The following MARCHF4 variants were observed in gnomAD, a reference collection of about 807,000 sequenced individuals.
The protein encoded by MARCHF4 is membrane associated ring-CH-type finger 4.
MARCHF4 carries 14 observed loss-of-function variants against 43.9 expected under a neutral mutation model. That is an observed-to-expected ratio of 0.32 (90% CI 0.21 to 0.50). MARCHF4 has a LOEUF of 0.50. MARCHF4 is among the 20% of genes least tolerant of loss of function. The probability of loss-of-function intolerance (pLI) is 0.98; values close to 1 mark genes in which losing one functional copy is unlikely to be tolerated. For missense variants in MARCHF4, 468 were observed against 536.7 expected, an observed-to-expected ratio of 0.87 and a Z score of 1.27; for synonymous variants, 226 against 213.3, an observed-to-expected ratio of 1.06 and a Z score of -0.52.
chr2:216,293,981 T>TGTAAAAAAAAAAA (rs1171951717), intron 1 of MARCHF4, among the ~76,000 whole-genome samples: 4 of 99,514 alleles, frequency 4.0e-5, no homozygotes, highest in Admixed American at 2.1e-4. Context: ...ATCATTACCA[T>TGTAAAAAAAAAAA]CACCATTGTT....
At chr2:216,276,624 A>G (rs1004913540) in intron 3 of MARCHF4, among the ~76,000 whole-genome samples, 1 of 152,184 alleles carries the variant, frequency 6.6e-6, no homozygotes, top group African/African-American at 2.4e-5. Context: ...ATCCCAGCCA[A>G]ATTCTAGCTA....
chr2:216,369,149 C>T (rs1312923139), intron 1 of MARCHF4, among the ~76,000 whole-genome samples: 1 of 152,112 alleles, frequency 6.6e-6, no homozygotes, highest in Non-Finnish European at 1.5e-5. Context: ...AGAAGTGTCT[C>T]AGCAAATCAT....
chr2:216,266,080 A>C (rs1690840698), intron 3 of MARCHF4: 1 of 152,240 alleles, frequency 6.6e-6, no homozygotes, highest in Admixed American at 6.5e-5. Context: ...AAATGGGAAG[A>C]AACGGAAGAA....
chr2:216,320,795 T>C (rs1024945716), intron 1 of MARCHF4, among the ~76,000 whole-genome samples: 3 of 149,754 alleles, frequency 2.0e-5, no homozygotes, highest in African/African-American at 4.9e-5. Flanking sequence ...CTCAGCCTCC[T>C]GAGTAGCTGG....
intron 1 of MARCHF4, among the ~76,000 whole-genome samples, chr2:216,324,767 A>G (rs9752300): frequency 1.0e-5 from 1 of 96,706 alleles, no homozygotes; most frequent in Non-Finnish European, 2.0e-5. Context: ...ATTCAACAAC[A>G]TTCATGCTAA....
intron 1 of MARCHF4, among the ~76,000 whole-genome samples, chr2:216,328,928 C>T (rs949462694): frequency 1.3e-5 from 2 of 152,066 alleles, no homozygotes; most frequent in Non-Finnish European, 2.9e-5. Context: ...ATTCCAGCTA[C>T]TCTGGAGGCT....
intron 1 of MARCHF4, among the ~76,000 whole-genome samples, chr2:216,328,590 A>C (rs887603621): frequency 2.6e-5 from 4 of 152,208 alleles, no homozygotes; most frequent in Non-Finnish European, 4.4e-5. Context: ...TAGTGAGTGG[A>C]GACATCACCC....
Position 216,319,067 on chromosome 2 carries a change from C to T in MARCHF4, c.517-35338G>A, listed in dbSNP as rs139798058. The stretch of plus-strand genomic sequence containing the variant: ...TCACATCTGTAATGCCGGCACTTTG[C>T]GGGGCTGAGGCAGGCGGATCACTTG... On this transcript the variant is annotated intron_variant, in intron 1 of 3. Transcript: ENST00000273067. Among the ~76,000 whole-genome samples the T allele has an allele frequency of 7.0e-3, 1,070 of 152,122 alleles. 6 individuals carry two copies. The highest frequency in any genetic ancestry group is 0.01 in the Non-Finnish European group (698 of 67,996).
chr2:216,351,829 A>C (rs2105979656), intron 1 of MARCHF4, among the ~76,000 whole-genome samples: 1 of 152,360 alleles, frequency 6.6e-6, no homozygotes. Context: ...GAACCTGTTA[A>C]CCCTTTCCAA....
chr2:216,291,237 A>G (rs971780916), intron 1 of MARCHF4, among the ~76,000 whole-genome samples: 9 of 152,182 alleles, frequency 5.9e-5, no homozygotes, highest in Non-Finnish European at 1.3e-4. Context: ...AGAAGACGAC[A>G]CTGTTTCAAG....
At chr2:216,355,808 C>T (rs183663911) in intron 1 of MARCHF4, among the ~76,000 whole-genome samples, 315 of 152,332 alleles carry the variant, frequency 2.1e-3, no homozygotes, top group African/African-American at 7.4e-3. Context: ...AATGGGCCAA[C>T]CCCTGGAGTG....
intron 1 of MARCHF4, among the ~76,000 whole-genome samples, chr2:216,341,002 TGTCA>T: frequency 6.6e-6 from 1 of 152,272 alleles, no homozygotes; most frequent in South Asian, 2.1e-4. Context: ...TACGCCCAGT[TGTCA>T]GTCAGTCCCT....
At chr2:216,301,426 CTTGTA>C (rs1334408460) in intron 1 of MARCHF4, among the ~76,000 whole-genome samples, 2 of 152,222 alleles carry the variant, frequency 1.3e-5, no homozygotes, top group Non-Finnish European at 2.9e-5. Flanking sequence ...GTTACTGTCA[CTTGTA>C]TTGTCAATCT....
intron 1 of MARCHF4, among the ~76,000 whole-genome samples, chr2:216,309,051 C>G (rs760693731): frequency 6.6e-6 from 1 of 152,164 alleles, no homozygotes; most frequent in Non-Finnish European, 1.5e-5. Flanking sequence ...ATCTCCTTGC[C>G]TTTTGGTCAA....
chr2:216,322,003 C>T lies in MARCHF4; in HGVS notation c.517-38274G>A, dbSNP rs61235851. ...ACACATGGTGGACCTGTGAATAGAC[C>T]TTTGTTTTACAAGTTGCTGTGACTG... On this transcript the variant is annotated intron_variant, in intron 1 of 3. Coordinates refer to ENST00000273067, the MANE Select transcript of MARCHF4 (RefSeq NM_020814.3). Among the ~76,000 whole-genome samples, 1,129 of 152,272 alleles carry T rather than the reference C, an allele frequency of 7.4e-3. 12 individuals carry two copies. The highest frequency in any genetic ancestry group is 0.026 in the African/African-American group (1,071 of 41,554).
intron 3 of MARCHF4, 45 bp downstream of exon 3, chr2:216,277,627 G>C (rs745594090): frequency 7.2e-6 from 11 of 1,538,078 alleles, no homozygotes; most frequent in Non-Finnish European, 9.7e-6. Flanking sequence ...CATCCCACGA[G>C]CACATGGTTC....
intron 3 of MARCHF4, chr2:216,265,491 G>C (rs533880313): frequency 9.2e-5 from 14 of 152,144 alleles, no homozygotes; most frequent in Admixed American, 2.6e-4. Context: ...CTCTAGAACA[G>C]TGCTTTTTAC....
At chr2:216,295,579 C>T (rs1691377155) in intron 1 of MARCHF4, among the ~76,000 whole-genome samples, 1 of 152,216 alleles carries the variant, frequency 6.6e-6, no homozygotes, top group Admixed American at 6.5e-5. Context: ...TTCATGTACC[C>T]ACCTATCCAT....
intron 1 of MARCHF4, among the ~76,000 whole-genome samples, chr2:216,353,646 C>T (rs1455259886): frequency 6.6e-6 from 1 of 152,190 alleles, no homozygotes; most frequent in African/African-American, 2.4e-5. Flanking sequence ...CTCCCAGGTT[C>T]AAATGATTCT....
Sources: allele counts gnomAD v4.1 joint callset (sites outside exome capture counted in the v4.1 genomes callset), GRCh38; gene constraint gnomAD v4.1.1; transcripts MANE v1.5; gene names NCBI Gene and HGNC (gene_info 2026-07-23, HGNC 2026-07-21).